The following ABCB1 variants were observed in gnomAD, a reference collection of about 807,000 sequenced individuals.
The protein encoded by ABCB1 is ATP-dependent translocase ABCB1.
Under a neutral mutation model 142.0 loss-of-function variants are expected in ABCB1, and 69 were observed. The ratio of observed to expected loss-of-function variants is 0.49; its 90% CI spans 0.40 to 0.59. ABCB1 has a LOEUF of 0.59. ABCB1 is among the 20% of genes least tolerant of loss of function. ABCB1 has a pLI of 0.00. For missense variants in ABCB1, 1,326 were observed against 1,554.7 expected, an observed-to-expected ratio of 0.85 and a Z score of 2.47; for synonymous variants, 532 against 539.2, an observed-to-expected ratio of 0.99 and a Z score of 0.18.
chr7:87,658,277 C>G (rs566663378), intron 1 of ABCB1, among the ~76,000 whole-genome samples: 58 of 152,206 alleles, frequency 3.8e-4, no homozygotes, highest in African/African-American at 1.3e-3. Context: ...ATGGACCCAA[C>G]AGGAAAATGG....
chr7:87,568,240 G>GACAATAATAATAATAATAATAACA (rs1160421066), intron 5 of ABCB1, among the ~76,000 whole-genome samples: 2 of 124,374 alleles, frequency 1.6e-5, no homozygotes, highest in East Asian at 2.1e-4. Context: ...CTAAAAATAC[G>GACAATAATAATAATAATAATAACA]ACAATAATAA....
intron 1 of ABCB1, among the ~76,000 whole-genome samples, chr7:87,624,414 T>C (rs1460873529): frequency 6.6e-6 from 1 of 152,222 alleles, no homozygotes; most frequent in Non-Finnish European, 1.5e-5. Flanking sequence ...ACTTTATATA[T>C]ACATTTTATA....
intron 24 of ABCB1, 83 bp from the exon 25 acceptor site, chr7:87,515,511 GTCAGAAGATAAT>G (rs1815199072): frequency 8.1e-7 from 1 of 1,234,886 alleles, no homozygotes; most frequent in African/African-American, 1.5e-5. Context: ...ATTACCAGGT[GTCAGAAGATAAT>G]TAATTTGTGT....
At chr7:87,575,337 A>G (rs1439145505) in intron 4 of ABCB1, among the ~76,000 whole-genome samples, 1 of 152,204 alleles carries the variant, frequency 6.6e-6, no homozygotes, top group African/African-American at 2.4e-5. Flanking sequence ...TGGTTTTCAA[A>G]CTGTCTTCCA....
chr7:87,536,843 T>C (rs1188288637), intron 19 of ABCB1, among the ~76,000 whole-genome samples: 1 of 151,966 alleles, frequency 6.6e-6, no homozygotes, highest in Non-Finnish European at 1.5e-5. Flanking sequence ...AGATGGAAGG[T>C]ACAAATAAAA....
chr7:87,609,977 CG>C (rs1224237727), intron 1 of ABCB1, among the ~76,000 whole-genome samples: 1 of 152,142 alleles, frequency 6.6e-6, no homozygotes, highest in Non-Finnish European at 1.5e-5. Flanking sequence ...ATGAGGCTAA[CG>C]GTAGTGTAGA....
chr7:87,691,276 G>T (rs1827992794), intron 1 of ABCB1, among the ~76,000 whole-genome samples: 1 of 152,108 alleles, frequency 6.6e-6, no homozygotes, highest in African/African-American at 2.4e-5. Context: ...GTCAGGAAAT[G>T]CTGTCTGTCT....
intron 7 of ABCB1, 104 bp from the exon 8 acceptor site, chr7:87,561,491 T>C: frequency 8.6e-7 from 1 of 1,156,526 alleles, no homozygotes; most frequent in Non-Finnish European, 1.2e-6. Context: ...CATTAATGCA[T>C]GTGTAGAGCA....
At chr7:87,602,874 C>G (rs975995780), upstream of ABCB1, 1 of 152,168 alleles carries the variant, frequency 6.6e-6, no homozygotes, top group African/African-American at 2.4e-5. Context: ...TGAAAGACAC[C>G]AGTCTTGCAT....
rs1829047861 is a variant in ABCB1, at chr7:87,701,671, A to C, written c.-331+11490T>G. Among the ~76,000 whole-genome samples, 6 of 152,210 alleles carry C rather than the reference A, an allele frequency of 3.9e-5. No individual in the cohort carries two copies. The South Asian group carries it at 8.3e-4, about 21-fold the overall frequency. On this transcript the variant is annotated intron_variant, in intron 1 of 28. Coordinates refer to the ABCB1 transcript ENST00000265724. ...AGTGAGTTTTGATCTAGAACAAAAGAAAATATCTACACTTATCTGAAAAGA... is the reference window on the plus strand; with the variant it reads ...AGTGAGTTTTGATCTAGAACAAAAGCAAATATCTACACTTATCTGAAAAGA...
At chr7:87,555,756 C>T (rs1274210512) in intron 8 of ABCB1, among the ~76,000 whole-genome samples, 2 of 152,160 alleles carry the variant, frequency 1.3e-5, no homozygotes, top group African/African-American at 4.8e-5. Flanking sequence ...CAGACACATA[C>T]ATATCTCTCA....
chr7:87,547,639 G>A (rs1417235865), intron 14 of ABCB1, among the ~76,000 whole-genome samples: 21 of 152,082 alleles, frequency 1.4e-4, no homozygotes, highest in Admixed American at 1.3e-3. Context: ...GGAGGCCGAG[G>A]CAGGTGGATC....
chr7:87,693,791 T>C (rs567558082), intron 1 of ABCB1: 1 of 886,804 alleles, frequency 1.1e-6, no homozygotes, highest in Admixed American at 2.4e-5. Context: ...AAAGTAGTGT[T>C]TACTGCTTCA....
intron 5 of ABCB1, among the ~76,000 whole-genome samples, chr7:87,568,766 T>A (rs912903144): frequency 1.3e-5 from 2 of 151,572 alleles, no homozygotes; most frequent in Non-Finnish European, 2.9e-5. Flanking sequence ...AACTAATTAC[T>A]ATCTAAGTGT....
chr7:87,702,168 A>AAAAAAAAC, intron 1 of ABCB1, among the ~76,000 whole-genome samples: 1 of 150,234 alleles, frequency 6.7e-6, no homozygotes, highest in African/African-American at 2.4e-5. Context: ...AAAAAAAAAA[A>AAAAAAAAC]AAAACAGAGA....
intron 4 of ABCB1, among the ~76,000 whole-genome samples, chr7:87,581,666 C>G (rs1328394282): frequency 6.6e-6 from 1 of 152,106 alleles, no homozygotes; most frequent in Non-Finnish European, 1.5e-5. Flanking sequence ...GACGAGAAAA[C>G]TTACAAGGGT....
intron 20 of ABCB1, among the ~76,000 whole-genome samples, chr7:87,533,304 T>C (rs1816143753): frequency 6.6e-6 from 1 of 152,132 alleles, no homozygotes. Context: ...CTTATGGGCT[T>C]GTGAGAGAAG....
intron 1 of ABCB1, chr7:87,628,986 G>T (rs754779154): frequency 3.1e-6 from 4 of 1,303,206 alleles, no homozygotes; most frequent in Non-Finnish European, 3.9e-6. Context: ...CTCCCGCCGG[G>T]GCTGAGAGCT....
intron 1 of ABCB1, among the ~76,000 whole-genome samples, chr7:87,671,854 G>T (rs1318699661): frequency 2.0e-5 from 3 of 152,198 alleles, no homozygotes; most frequent in Non-Finnish European, 4.4e-5. Context: ...GATGGTGCCT[G>T]CCACTCCCCC....
Sources: allele counts gnomAD v4.1 joint callset (sites outside exome capture counted in the v4.1 genomes callset), GRCh38; gene constraint gnomAD v4.1.1; transcripts MANE v1.5; gene names NCBI Gene and HGNC (gene_info 2026-07-23, HGNC 2026-07-21).